ZNF692: variants seen among roughly 807,000 people sequenced by gnomAD.
The protein encoded by ZNF692 is AICAR responsive element binding protein.
In ZNF692, 41 loss-of-function variants were observed where a neutral mutation model predicts 49.0. The observed-to-expected ratio is 0.84, with a 90% CI of 0.65 to 1.08. The LOEUF (loss-of-function observed/expected upper bound fraction) is 1.08. Among genes scored for constraint, ZNF692 ranks in the 50% least tolerant of loss-of-function variants. ZNF692 has a pLI of 0.00. For synonymous variants in ZNF692, 288 were observed against 251.5 expected (o/e 1.15, Z -1.37); for missense variants, 662 against 662.2 (o/e 1.00, Z 0.00).
intron 4 of ZNF692, 115 bp downstream of exon 4, chr1:248,857,119 G>T: frequency 1.8e-6 from 2 of 1,105,730 alleles, no homozygotes; most frequent in Non-Finnish European, 2.6e-6. Flanking sequence ...TATTTGTCAA[G>T]ATAGAGTTTT....
In ZNF692 at chr1:248,858,614, G is replaced by C. The variant is rs1297152080; in HGVS notation, c.-12-293C>G. 1 of 1,500,548 alleles carries C rather than the reference G, an allele frequency of 6.7e-7. No individual in the cohort carries two copies. Among genetic ancestry groups the C allele is most frequent in the African/African-American group, 1.4e-5 (1 of 72,026 alleles). 93.0% of individuals were successfully genotyped at this position (1,500,548 alleles called of 1,614,324 possible). A position where few individuals can be genotyped will look rare whatever the true frequency, so the allele number is the denominator to read the frequency against. ...GTGGAGCTGTGGGGAAGGGGCGAGA[G>C]ACTTTCACGGGAAATTTCAACTGGG... On this transcript the variant is annotated intron_variant, in intron 1 of 11. Coordinates refer to ENST00000306601, the MANE Select transcript of ZNF692 (RefSeq NM_017865.4). The surrounding 1 kb of genome is among the most constrained non-coding windows in gnomAD (Gnocchi z 4.3).
chr1:248,851,720 C>T (rs1316006228), intron 10 of ZNF692, among the ~76,000 whole-genome samples: 3 of 152,162 alleles, frequency 2.0e-5, no homozygotes, highest in African/African-American at 7.2e-5. Context: ...TCCTCAGCCA[C>T]CAGTCTCAGG....
chr1:248,853,320 G>A (rs1024873931), intron 10 of ZNF692, among the ~76,000 whole-genome samples: 1 of 152,150 alleles, frequency 6.6e-6, no homozygotes, highest in Admixed American at 6.5e-5. Flanking sequence ...CAGCCACAAT[G>A]ATCTTTTAAA....
At position 248,850,086 on chromosome 1, in the gene ZNF692, C is replaced by T. The variant is rs1659367034; in HGVS notation, c.*124G>A. ...CCCTACAGCCCAGTCTTGCCCCCAC[C>T]CTGCACTCTGTCGCCTTAGTTCCTG... On this transcript the variant is annotated 3_prime_UTR_variant, in exon 12 of 12. Transcript: ENST00000306601. 1.8e-6 allele frequency: 2 copies of T among 1,125,922 alleles called. No individual in the cohort carries two copies. Among genetic ancestry groups the T allele is most frequent in the Admixed American group, 3.0e-5 (1 of 33,274 alleles). The allele number at this position is 1,125,922 out of a possible 1,614,324, so 69.7% of individuals were successfully genotyped here.
At chr1:248,851,214 C>T (rs1344181235) in intron 10 of ZNF692, among the ~76,000 whole-genome samples, 1 of 152,030 alleles carries the variant, frequency 6.6e-6, no homozygotes, top group African/African-American at 2.4e-5. Context: ...AGCTCAAGGC[C>T]CAAGGACAGA....
intron 10 of ZNF692, among the ~76,000 whole-genome samples, chr1:248,852,924 ATATT>A (rs531898085): frequency 3.0e-4 from 45 of 151,928 alleles, no homozygotes; most frequent in Non-Finnish European, 5.3e-4. Context: ...CCACACATTT[ATATT>A]TATATTTTTG....
In ZNF692 at chr1:248,858,175, C is replaced by T. The variant is rs1211434618; in HGVS notation, c.135G>A (p.Leu45=). Residue 45 remains leucine (L), a synonymous_variant, in exon 2 of 12, where the codon CTG becomes CTA. Coordinates refer to ENST00000306601, the MANE Select transcript of ZNF692 (RefSeq NM_017865.4). This position sits in a 1 kb window ranked among gnomAD's most constrained non-coding sequence, Gnocchi z 4.3. Reference sequence around the variant, plus strand: ...CGAGCTGCGAGTGCAGGGAGAAGCCCAGCCGCTCCTTGAGGAGGCACCACT... The same window carrying T: ...CGAGCTGCGAGTGCAGGGAGAAGCCTAGCCGCTCCTTGAGGAGGCACCACT... ...MEQWCLLKER[L]GFSLHSQLAK... 1.3e-6 allele frequency: 2 copies of T among 1,577,264 alleles called. No individual in the cohort carries two copies. Among genetic ancestry groups the T allele is most frequent in the East Asian group, 4.5e-5 (2 of 44,216 alleles).
At chr1:248,852,246 TC>T (rs775614056) in intron 10 of ZNF692, among the ~76,000 whole-genome samples, 7 of 152,124 alleles carry the variant, frequency 4.6e-5, no homozygotes, top group Non-Finnish European at 7.4e-5. Context: ...TCCACCAGCC[TC>T]CAACACCCCC....
rs1436296181 is a variant in ZNF692, at chr1:248,853,259, T to C, written c.1153+678A>G. Among the ~76,000 whole-genome samples the C allele has an allele frequency of 3.3e-5, 5 of 152,328 alleles. No homozygotes were observed. The Middle Eastern group carries it at 0.014, about 414-fold the overall frequency. On this transcript the variant is annotated intron_variant, in intron 10 of 11. Transcript: ENST00000306601. ...CCTCTTGCACATCTCTGCAGTCATC[T>C]CACAGTTGAGTGCCTGGTTCTGCTC...
rs56106447 is a variant in ZNF692, at chr1:248,855,670, G to T, written c.882-35C>A. ...GCAAAGAGGGAGCAGAGGGCCTCGA[G>T]GGAGGGCCACATCCCAGGACGCCCC... On this transcript the variant is annotated intron_variant, in intron 7 of 11. Transcript: ENST00000306601. The T allele has an allele frequency of 7.3e-3, 11,794 of 1,614,158 alleles. 62 individuals are homozygous for T. Among genetic ancestry groups the T allele is most frequent in the Non-Finnish European group, 9.1e-3 (10,703 of 1,180,000 alleles).
chr1:248,854,924 G>GCCCTC (rs944327747), intron 9 of ZNF692, among the ~76,000 whole-genome samples: 1 of 152,098 alleles, frequency 6.6e-6, no homozygotes, highest in African/African-American at 2.4e-5. Flanking sequence ...AGTGTCTGTG[G>GCCCTC]CCCTCCCCAG....
chr1:248,856,366 T>C lies in ZNF692; in HGVS notation c.581A>G (p.Glu194Gly). ...TTCATCCTCATCATTGTCCTCTTCT[T>C]CCTCACCCTCTTCCTCTCCTGGAGG... ...FPPPGEEEGEEEEDNDEDEEE... is the reference protein window; with the variant it reads ...FPPPGEEEGEGEEDNDEDEEE... Residue 194 changes from glutamate (E) to glycine (G), a missense_variant, in exon 6 of 12, where the codon GAA becomes GGA. Coordinates refer to ENST00000306601, the MANE Select transcript of ZNF692 (RefSeq NM_017865.4). The C allele has an allele frequency of 6.2e-7, 1 of 1,612,828 alleles. No individual in the cohort carries two copies.
rs1374837831 is a variant in ZNF692 at position 248,857,817 on chromosome 1, C to T, written c.211+11G>A. ...CCCTCTGGCTCTCACCCCCTGCCAT[C>T]CCCTACCTACCTGCACAGAGGACAC... is the stretch of plus-strand genomic sequence containing the variant. On this transcript the variant is annotated intron_variant, in intron 3 of 11. Coordinates refer to ENST00000306601, the MANE Select transcript of ZNF692 (RefSeq NM_017865.4). 1 of 1,613,298 alleles carries T rather than the reference C, an allele frequency of 6.2e-7. No homozygotes were observed.
chr1:248,853,843 G>T, intron 10 of ZNF692, 94 bp downstream of exon 10: 1 of 902,236 alleles, frequency 1.1e-6, no homozygotes, highest in East Asian at 2.5e-5. Flanking sequence ...ACCCCGTAGA[G>T]GGGGAGGTGA....
chr1:248,850,336 A>G lies in ZNF692; in HGVS notation c.1434T>C (p.Pro478=). 1 of 1,613,964 alleles carries G rather than the reference A, an allele frequency of 6.2e-7. No homozygotes were observed. The highest frequency in any genetic ancestry group is 8.5e-7 in the Non-Finnish European group (1 of 1,179,982). Residue 478 remains proline, a synonymous_variant, in exon 12 of 12, where the codon CCT becomes CCC. Transcript: ENST00000306601. ...CTAGGGGACCACTGGGTGACTCTTG[A>G]GGGGCTAGAAGCAGGGCTGGGTGAC... ...SKSHPALLLA[P]QESPSGPLEP...
chr1:248,850,557 G>A, intron 11 of ZNF692, 41 bp from the exon 12 acceptor site: 3 of 1,590,856 alleles, frequency 1.9e-6, no homozygotes, highest in Non-Finnish European at 2.6e-6. Flanking sequence ...AAGGCCTCAG[G>A]CCATCATGAC....
At chr1:248,854,255 C>T in intron 9 of ZNF692, 1 of 540,144 alleles carries the variant, frequency 1.9e-6, no homozygotes, top group East Asian at 3.1e-5. Flanking sequence ...CCATCCCATC[C>T]TGACCACTCA....
chr1:248,850,992 G>A (rs1659515829), intron 10 of ZNF692: 5 of 689,850 alleles, frequency 7.2e-6, no homozygotes, highest in Non-Finnish European at 1.3e-5. Context: ...CCAGCTAAAA[G>A]ACTTCATTAT....
At position 248,857,467 on chromosome 1, in the gene ZNF692, T is replaced by G. The variant is rs1365632977; in HGVS notation, c.242A>C (p.Gln81Pro). The G allele has an allele frequency of 1.2e-6, 2 of 1,613,674 alleles. No individual in the cohort carries two copies. The highest frequency in any genetic ancestry group is 1.7e-6 in the Non-Finnish European group (2 of 1,179,934). Reference sequence around the variant, plus strand: ...GGCATGAGACAAGAGCACCAGATACTGCAGACCTTTTGGAGGCAAAGGCTC... The same window carrying G: ...GGCATGAGACAAGAGCACCAGATACGGCAGACCTTTTGGAGGCAAAGGCTC... ...GPEPLPPKGL[Q>P]YLVLLSHAHS... is the part of the protein sequence containing the mutation. The change falls in exon 4 of 12, where the codon CAG (glutamine) becomes CCG (proline). Residue 81 changes from glutamine (Q) to proline (P), a missense_variant. Physicochemically the swap from Gln to Pro is moderately conservative, Grantham distance 76. Coordinates refer to ENST00000306601, the MANE Select transcript of ZNF692 (RefSeq NM_017865.4).
Sources: allele counts gnomAD v4.1 joint callset (sites outside exome capture counted in the v4.1 genomes callset), GRCh38; gene constraint gnomAD v4.1.1; non-coding constraint Gnocchi (gnomAD v3.1); transcripts MANE v1.5; gene names NCBI Gene and HGNC (gene_info 2026-07-23, HGNC 2026-07-21).